SPATA12: variants seen among roughly 807,000 people sequenced by gnomAD.
The protein encoded by SPATA12 is spermatogenesis-associated protein 12.
For synonymous variants in SPATA12, 85 were observed against 89.2 expected (o/e 0.95, Z 0.26); for missense variants, 219 against 226.4 (o/e 0.97, Z 0.21).
chr3:57,071,439 A>T (rs1705896530), intron 1 of SPATA12, among the ~76,000 whole-genome samples: 1 of 152,170 alleles, frequency 6.6e-6, no homozygotes, highest in Non-Finnish European at 1.5e-5. Flanking sequence ...AGGTGGGCAG[A>T]TCATGAGGTC....
At chr3:57,061,058 C>T (rs998833179) in intron 1 of SPATA12, among the ~76,000 whole-genome samples, 5 of 152,164 alleles carry the variant, frequency 3.3e-5, no homozygotes, top group African/African-American at 9.7e-5. Flanking sequence ...TTGTACAACT[C>T]TTACCATTAT....
rs574954975 is a variant in SPATA12, at chr3:57,073,976, C to T, written c.282C>T (p.Ile94=). 1.0e-4 allele frequency: 168 copies of T among 1,614,218 alleles called. 3 individuals are homozygous for T. In the South Asian group the frequency reaches 1.5e-3, roughly 14 times the overall value. ...RYLQAAISLD[I]AVSQINLLGR... The stretch of plus-strand genomic sequence containing the variant: ...TACAAGCAGCCATCTCTCTTGACAT[C>T]GCTGTATCCCAAATAAATCTTCTGG... Residue 94 remains isoleucine, a synonymous_variant, in exon 2 of 2, where the codon ATC becomes ATT. Coordinates refer to ENST00000334325, the MANE Select transcript of SPATA12 (RefSeq NM_181727.2).
intron 1 of SPATA12, among the ~76,000 whole-genome samples, chr3:57,069,246 A>G (rs114150159): frequency 3.8e-4 from 58 of 152,258 alleles, no homozygotes; most frequent in African/African-American, 1.4e-3. Flanking sequence ...GAAGACCTCA[A>G]AACATATATT....
At chr3:57,071,228 AC>A (rs1705883349) in intron 1 of SPATA12, among the ~76,000 whole-genome samples, 2 of 152,220 alleles carry the variant, frequency 1.3e-5, no homozygotes, top group African/African-American at 4.8e-5. Context: ...AGTCTTTTCA[AC>A]ACATGGTTCT....
chr3:57,067,262 T>G (rs555793197), intron 1 of SPATA12, among the ~76,000 whole-genome samples: 2 of 151,560 alleles, frequency 1.3e-5, no homozygotes, highest in Non-Finnish European at 2.9e-5. Flanking sequence ...CTATCCTGGC[T>G]AACACGGTGA....
chr3:57,071,897 T>C (rs1198679465), intron 1 of SPATA12, among the ~76,000 whole-genome samples: 1 of 152,082 alleles, frequency 6.6e-6, no homozygotes, highest in Non-Finnish European at 1.5e-5. Flanking sequence ...ACTCAGAATA[T>C]ATAAAGAACA....
intron 1 of SPATA12, among the ~76,000 whole-genome samples, chr3:57,062,591 A>G (rs1418931716): frequency 1.3e-5 from 2 of 152,190 alleles, no homozygotes; most frequent in East Asian, 3.9e-4. Context: ...TGAACAAAAC[A>G]AGGTTAAATA....
chr3:57,068,168 TACAC>T (rs55876198), intron 1 of SPATA12, among the ~76,000 whole-genome samples: 1 of 148,980 alleles, frequency 6.7e-6, no homozygotes, highest in Non-Finnish European at 1.5e-5. Context: ...CACACACACA[TACAC>T]ACACACACAC....
At chr3:57,062,746 C>T (rs1705301029) in intron 1 of SPATA12, among the ~76,000 whole-genome samples, 1 of 152,110 alleles carries the variant, frequency 6.6e-6, no homozygotes, top group Non-Finnish European at 1.5e-5. Flanking sequence ...CACATACATA[C>T]ACATATGTAA....
At chr3:57,064,308 C>CT (rs138078621) in intron 1 of SPATA12, among the ~76,000 whole-genome samples, 34 of 149,152 alleles carry the variant, frequency 2.3e-4, no homozygotes, top group Non-Finnish European at 3.4e-4. Context: ...GAAATTCTTT[C>CT]TTTTTTTTTT....
chr3:57,061,205 CT>C (rs1299589261), intron 1 of SPATA12, among the ~76,000 whole-genome samples: 7 of 152,326 alleles, frequency 4.6e-5, no homozygotes, highest in African/African-American at 1.4e-4. Context: ...CAGGTACCCC[CT>C]GTAAGTGTCC....
intron 1 of SPATA12, among the ~76,000 whole-genome samples, chr3:57,069,540 G>C (rs1230117113): frequency 6.6e-6 from 1 of 152,052 alleles, no homozygotes; most frequent in Non-Finnish European, 1.5e-5. Flanking sequence ...TACAAATATA[G>C]GCACTCCATT....
intron 1 of SPATA12, among the ~76,000 whole-genome samples, chr3:57,064,392 C>T (rs574141627): frequency 1.8e-4 from 27 of 151,666 alleles, no homozygotes; most frequent in Non-Finnish European, 3.5e-4. Flanking sequence ...GGCAAGATCA[C>T]GGCTCACTGC....
chr3:57,072,633 T>C (rs1339182989), intron 1 of SPATA12, among the ~76,000 whole-genome samples: 1 of 147,880 alleles, frequency 6.8e-6, no homozygotes, highest in Non-Finnish European at 1.5e-5. Context: ...TCCCAGCTAC[T>C]AGGGAGGCTG....
chr3:57,069,376 A>AACACACACACACAC (rs147675971), intron 1 of SPATA12, among the ~76,000 whole-genome samples: 2,888 of 146,416 alleles, frequency 0.02, 88 homozygotes, highest in African/African-American at 0.069. Flanking sequence ...CTGTCTCTCA[A>AACACACACACACAC]ACACACACAC....
chr3:57,065,747 G>T (rs1386830), intron 1 of SPATA12, among the ~76,000 whole-genome samples: 33,028 of 152,132 alleles, frequency 0.22, 4,070 homozygotes, highest in East Asian at 0.47. Flanking sequence ...ACCACAGCTA[G>T]GTGGTAGCCT....
At chr3:57,069,933 C>T (rs1260585785) in intron 1 of SPATA12, among the ~76,000 whole-genome samples, 1 of 152,264 alleles carries the variant, frequency 6.6e-6, no homozygotes, top group Non-Finnish European at 1.5e-5. Context: ...GCATGAGCCA[C>T]TGCGCCTGGC....
intron 1 of SPATA12, among the ~76,000 whole-genome samples, chr3:57,064,891 G>T (rs1023837640): frequency 6.6e-6 from 1 of 152,174 alleles, no homozygotes; most frequent in African/African-American, 2.4e-5. Flanking sequence ...CAACACTACT[G>T]ACCTGAAAAC....
chr3:57,061,894 T>C (rs892686486), intron 1 of SPATA12, among the ~76,000 whole-genome samples: 1 of 152,236 alleles, frequency 6.6e-6, no homozygotes, highest in African/African-American at 2.4e-5. Flanking sequence ...GCAGCATCAG[T>C]ATCTGAGCCC....
Sources: allele counts gnomAD v4.1 joint callset (sites outside exome capture counted in the v4.1 genomes callset), GRCh38; gene constraint gnomAD v4.1.1; transcripts MANE v1.5; gene names NCBI Gene and HGNC (gene_info 2026-07-23, HGNC 2026-07-21).